MEG3: variants seen among roughly 807,000 people sequenced by gnomAD.
The protein encoded by MEG3 is Very putative protein from MEG3 locus.
At chr14:100,827,126 C>T (rs1270819273) in intron 1 of MEG3, among the ~76,000 whole-genome samples, 3 of 151,942 alleles carry the variant, frequency 2.0e-5, no homozygotes, top group Admixed American at 6.6e-5. Flanking sequence ...GGTGGTCGCT[C>T]GAAAATCCTG....
In MEG3 at chr14:100,845,774, G is replaced by A. The variant is rs2037901531; in HGVS notation, n.3121+241G>A. 4.6e-6 allele frequency: 1 copy of A among 218,702 alleles called. No individual in the cohort carries two copies. The highest frequency in any genetic ancestry group is 2.3e-5 in the African/African-American group (1 of 42,592). 13.5% of individuals were successfully genotyped at this position (218,702 alleles called of 1,614,324 possible). On this transcript the variant is annotated intron_variant and non_coding_transcript_variant, in intron 3 of 3. Coordinates refer to the MEG3 transcript ENST00000398461. The surrounding 1 kb of genome is among the most constrained non-coding windows in gnomAD (Gnocchi z 5.2). ...TCTCTGTGGCAAAAGAATTCTATAG[G>A]CGGGCTTCAAATGTCGGACCCCAAA... is the stretch of plus-strand genomic sequence containing the variant.
At position 100,845,468 on chromosome 14, in the gene MEG3, C is replaced by T. The variant is rs757763751; in HGVS notation, n.3056C>T. On this transcript the variant is annotated non_coding_transcript_exon_variant, in exon 3 of 4. Transcript: ENST00000398461. This position sits in a 1 kb window ranked among gnomAD's most constrained non-coding sequence, Gnocchi z 5.2. ...GCCTTCTTGTTACAGCGGAAGCCAT[C>T]ACCTGGATGCCTACGTGGGAAGGGA... is the stretch of plus-strand genomic sequence containing the variant. 38 of 456,706 alleles carry T rather than the reference C, an allele frequency of 8.3e-5. No homozygotes were observed. The highest frequency in any genetic ancestry group is 6.4e-4 in the African/African-American group (32 of 50,080). 28.3% of individuals were successfully genotyped at this position (456,706 alleles called of 1,614,324 possible). A position where few individuals can be genotyped will look rare whatever the true frequency, so the allele number is the denominator to read the frequency against.
chr14:100,834,694 C>T (rs1314076195), exon 1 of MEG3: 1 of 456,706 alleles, frequency 2.2e-6, no homozygotes, highest in Non-Finnish European at 4.4e-6. Context: ...GGTGTCCCAG[C>T]ACCAGCCTGG....
chr14:100,833,476 T>A (rs947000414), downstream of MEG3: 1 of 152,290 alleles, frequency 6.6e-6, no homozygotes, highest in African/African-American at 2.4e-5. Context: ...GTCAGGCTGG[T>A]CTTGAACTCC....
chr14:100,843,144 A>G (rs983291778), intron 2 of MEG3, among the ~76,000 whole-genome samples: 1 of 152,036 alleles, frequency 6.6e-6, no homozygotes, highest in Non-Finnish European at 1.5e-5. Context: ...ACGGTCAGGG[A>G]CTCTGAGGTT....
chr14:100,836,948 T>C (rs1318914821), intron 2 of MEG3, among the ~76,000 whole-genome samples: 2 of 152,228 alleles, frequency 1.3e-5, no homozygotes, highest in Non-Finnish European at 2.9e-5. Flanking sequence ...GAAAGCGGGA[T>C]TGGAGCCACA....
At chr14:100,851,806 G>A (rs1256935931) in intron 3 of MEG3, 1 of 153,758 alleles carries the variant, frequency 6.5e-6, no homozygotes, top group African/African-American at 2.4e-5. Context: ...CCCTCCGGGG[G>A]ACTGCCGGGG....
Position 100,837,107 on chromosome 14 carries a change from G to A in MEG3, n.3045+807G>A, listed in dbSNP as rs937199778. ...GGACCAGAGGGTCTACTTGGGTGCC[G>A]TGGAGCACCCATGCAGCAAGGTGGC... On this transcript the variant is annotated intron_variant and non_coding_transcript_variant, in intron 2 of 3. Transcript: ENST00000398461. This position sits in a 1 kb window ranked among gnomAD's most constrained non-coding sequence, Gnocchi z 5.8. 2.6e-5 allele frequency among the ~76,000 whole-genome samples: 4 copies of A among 152,202 alleles called. No individual in the cohort carries two copies. Among genetic ancestry groups the A allele is most frequent in the East Asian group, 1.9e-4 (1 of 5,178 alleles).
chr14:100,842,692 A>AT (rs1177905590), intron 2 of MEG3, among the ~76,000 whole-genome samples: 1 of 152,212 alleles, frequency 6.6e-6, no homozygotes, highest in East Asian at 1.9e-4. Flanking sequence ...TGAAACAGCC[A>AT]TAAGTTGTTT....
chr14:100,853,305 C>T (rs1177915413), upstream of MEG3: 1 of 152,246 alleles, frequency 6.6e-6, no homozygotes, highest in Non-Finnish European at 1.5e-5. Context: ...TTGGCCTCCT[C>T]TTGTGACTCC....
At chr14:100,836,377 G>A (rs1433980449) in intron 2 of MEG3, 2 of 437,502 alleles carry the variant, frequency 4.6e-6, no homozygotes, top group Non-Finnish European at 9.0e-6. Context: ...CAACAAGAGT[G>A]TCAACATTTA....
At chr14:100,860,210 G>C (rs2038365165) in exon 1 of MEG3, 1 of 187,008 alleles carries the variant, frequency 5.3e-6, no homozygotes, top group African/African-American at 2.4e-5. Context: ...GGAAGTGTTT[G>C]CTTTTAAATA....
chr14:100,831,210 CT>C (rs2037387908), downstream of MEG3: 1 of 152,956 alleles, frequency 6.5e-6, no homozygotes, highest in Admixed American at 6.5e-5. Flanking sequence ...GAAACAGAGG[CT>C]GTCAAGAGGC....
intron 2 of MEG3, among the ~76,000 whole-genome samples, chr14:100,836,729 GCTAGGAAGACATTT>G (rs939809067): frequency 6.6e-6 from 1 of 152,160 alleles, no homozygotes; most frequent in African/African-American, 2.4e-5. Flanking sequence ...CTGCTCCTCA[GCTAGGAAGACATTT>G]CTTTCCACCA....
intron 3 of MEG3, chr14:100,847,193 G>T (rs1268103856): frequency 1.3e-5 from 2 of 151,106 alleles, no homozygotes. Flanking sequence ...AAAGAAAGAG[G>T]ACCCAGTGGG....
At chr14:100,835,330 C>T (rs1026221921) in exon 1 of MEG3, 1 of 154,766 alleles carries the variant, frequency 6.5e-6, no homozygotes, top group Non-Finnish European at 1.4e-5. Flanking sequence ...TGCGACCCTT[C>T]CCTTGCCGTG....
At chr14:100,841,206 C>G (rs1241219972) in intron 2 of MEG3, among the ~76,000 whole-genome samples, 1 of 152,218 alleles carries the variant, frequency 6.6e-6, no homozygotes, top group Non-Finnish European at 1.5e-5. Context: ...GAGGGGGGCA[C>G]AGGTCTCAGT....
At chr14:100,842,268 G>A (rs2037782848) in intron 2 of MEG3, among the ~76,000 whole-genome samples, 1 of 152,154 alleles carries the variant, frequency 6.6e-6, no homozygotes, top group Non-Finnish European at 1.5e-5. Flanking sequence ...TCCATTAACG[G>A]TAAACAGGCA....
chr14:100,859,674 G>A (rs1180668854), exon 1 of MEG3: 1 of 152,180 alleles, frequency 6.6e-6, no homozygotes, highest in East Asian at 1.9e-4. Context: ...GGGGTGGGGT[G>A]GGGGCTTAAG....
Sources: gnomAD v4.1 joint callset for allele counts (sites outside exome capture counted in the v4.1 genomes callset) on GRCh38, gnomAD v4.1.1 for gene constraint, Gnocchi (gnomAD v3.1) non-coding constraint, MANE v1.5 for transcripts, NCBI Gene and HGNC (gene_info 2026-07-23, HGNC 2026-07-21) for gene names.